MGAT4C: variants seen among roughly 807,000 people sequenced by gnomAD.
The protein encoded by MGAT4C is MGAT4 family member C.
Under a neutral mutation model 40.1 loss-of-function variants are expected in MGAT4C, and 19 were observed. The observed-to-expected ratio is 0.47, with a 90% confidence interval of 0.33 to 0.70. The LOEUF is 0.70. Among genes scored for constraint, MGAT4C ranks in the 30% least tolerant of loss-of-function variants. MGAT4C has a pLI of 0.02. For missense variants in MGAT4C, 491 were observed against 563.2 expected (o/e 0.87, Z 1.30); for synonymous variants, 181 against 187.1 (o/e 0.97, Z 0.27).
chr12:86,585,563 TATTA>T (rs1960983659), intron 2 of MGAT4C, among the ~76,000 whole-genome samples: 2 of 151,422 alleles, frequency 1.3e-5, no homozygotes, highest in African/African-American at 4.8e-5. Context: ...GAGATTGACA[TATTA>T]ATAATTTAAT....
Position 85,964,027 on chromosome 12 carries a change from T to G in MGAT4C, c.*15262A>C, listed in dbSNP as rs1000005139. On this transcript the variant is annotated 3_prime_UTR_variant, in exon 5 of 5. Transcript: ENST00000611864. The stretch of plus-strand genomic sequence containing the variant: ...CTCAGATTACAACTATGATGATAAT[T>G]TAGATAAACAAGCAGAAAACAAAAC... 6.6e-6 allele frequency: 1 copy of G among 151,846 alleles called. No individual in the cohort carries two copies. Among genetic ancestry groups the G allele is most frequent in the African/African-American group, 2.4e-5 (1 of 41,364 alleles). The allele number at this position is 151,846 out of a possible 1,614,324, so 9.4% of individuals were successfully genotyped here.
chr12:86,411,514 T>C (rs1382557504), intron 3 of MGAT4C, among the ~76,000 whole-genome samples: 2 of 152,176 alleles, frequency 1.3e-5, no homozygotes, highest in African/African-American at 4.8e-5. Context: ...GGTTATCTGG[T>C]GTAAGAAATT....
intron 2 of MGAT4C, among the ~76,000 whole-genome samples, chr12:86,032,684 T>C (rs1890869384): frequency 1.3e-5 from 2 of 149,696 alleles, no homozygotes; most frequent in East Asian, 1.9e-4. Context: ...AGAGGCATAG[T>C]ATGCAAACAT....
chr12:86,242,085 T>C (rs1416445680), intron 1 of MGAT4C, among the ~76,000 whole-genome samples: 1 of 152,142 alleles, frequency 6.6e-6, no homozygotes, highest in Non-Finnish European at 1.5e-5. Context: ...CTCCCTTTGC[T>C]GGGGACCTTC....
At chr12:86,760,617 C>A (rs1378240817) in intron 1 of MGAT4C, among the ~76,000 whole-genome samples, 2 of 152,024 alleles carry the variant, frequency 1.3e-5, no homozygotes, top group African/African-American at 4.8e-5. Context: ...GGATAGTGAT[C>A]CCAGAGAAAT....
intron 1 of MGAT4C, among the ~76,000 whole-genome samples, chr12:86,074,945 G>C (rs752329048): frequency 6.6e-6 from 1 of 152,118 alleles, no homozygotes; most frequent in Non-Finnish European, 1.5e-5. Flanking sequence ...AATGAGATTT[G>C]GGTGGGGACA....
At chr12:86,813,159 AG>A (rs1952509426) in intron 1 of MGAT4C, among the ~76,000 whole-genome samples, 1 of 151,992 alleles carries the variant, frequency 6.6e-6, no homozygotes, top group South Asian at 2.1e-4. Context: ...TGTGCTTAGC[AG>A]GGAGAAGCAA....
chr12:86,819,558 C>T (rs1952670094), intron 1 of MGAT4C, among the ~76,000 whole-genome samples: 1 of 150,822 alleles, frequency 6.6e-6, no homozygotes, highest in Admixed American at 6.6e-5. Context: ...TGGTCAAATA[C>T]ATTTGGGAAA....
intron 2 of MGAT4C, among the ~76,000 whole-genome samples, chr12:86,572,749 C>G (rs868269223): frequency 6.6e-5 from 10 of 152,102 alleles, no homozygotes; most frequent in African/African-American, 2.4e-4. Flanking sequence ...TACATCAACA[C>G]TGGCTCTCCC....
chr12:86,825,267 G>T (rs1236134894), intron 1 of MGAT4C, among the ~76,000 whole-genome samples: 1 of 150,328 alleles, frequency 6.7e-6, no homozygotes, highest in Admixed American at 6.7e-5. Context: ...TGGAGTTCAT[G>T]AACATTTCTC....
At chr12:86,138,279 T>C (rs1197779433) in intron 1 of MGAT4C, among the ~76,000 whole-genome samples, 5 of 151,640 alleles carry the variant, frequency 3.3e-5, no homozygotes, top group Non-Finnish European at 5.9e-5. Flanking sequence ...TTAGGCAATT[T>C]TGCCCATACC....
At chr12:86,685,034 G>A (rs926214929) in intron 2 of MGAT4C, among the ~76,000 whole-genome samples, 4 of 152,160 alleles carry the variant, frequency 2.6e-5, no homozygotes, top group South Asian at 4.1e-4. Flanking sequence ...AAGCTTTTTA[G>A]TTTAATAAGA....
intron 2 of MGAT4C, among the ~76,000 whole-genome samples, chr12:86,620,783 C>A (rs754116674): frequency 7.2e-5 from 11 of 152,032 alleles, no homozygotes; most frequent in Non-Finnish European, 1.5e-4. Context: ...GCAGATTTTT[C>A]CCTTATTCTT....
intron 4 of MGAT4C, among the ~76,000 whole-genome samples, chr12:86,315,693 G>A (rs913480525): frequency 5.3e-5 from 8 of 152,060 alleles, no homozygotes; most frequent in Non-Finnish European, 1.0e-4. Context: ...GGGACAGGGC[G>A]AGACTCCGTT....
chr12:86,803,344 C>T (rs1332385166), intron 1 of MGAT4C, among the ~76,000 whole-genome samples: 2 of 151,650 alleles, frequency 1.3e-5, no homozygotes, highest in African/African-American at 4.8e-5. Context: ...CCATTCAGGA[C>T]ATAGGCATGG....
At chr12:86,242,781 C>T (rs1039712031) in intron 1 of MGAT4C, among the ~76,000 whole-genome samples, 22 of 152,026 alleles carry the variant, frequency 1.4e-4, no homozygotes, top group African/African-American at 5.1e-4. Context: ...TCCCCCACTC[C>T]CCACCACATA....
intron 4 of MGAT4C, among the ~76,000 whole-genome samples, chr12:86,333,911 A>T (rs1198536455): frequency 1.3e-5 from 2 of 152,178 alleles, no homozygotes; most frequent in African/African-American, 4.8e-5. Flanking sequence ...TAAAACAAAC[A>T]TATCAATTCT....
At chr12:86,338,319 C>T (rs1051224954) in intron 3 of MGAT4C, among the ~76,000 whole-genome samples, 10 of 152,076 alleles carry the variant, frequency 6.6e-5, no homozygotes, top group Admixed American at 2.0e-4. Flanking sequence ...GTTTATCAAT[C>T]TGGGTGGTTC....
Position 86,597,514 on chromosome 12 carries a change from T to TA in MGAT4C, c.-229+129694dup, listed in dbSNP as rs1961588826. Among the ~76,000 whole-genome samples, 4 of 152,340 alleles carry TA rather than the reference T, an allele frequency of 2.6e-5. No individual in the cohort carries two copies. In the South Asian group the frequency reaches 8.3e-4, roughly 32 times the overall value. ...TTGTCCCTATTGCCTCAGAATCATG[T>TA]AGACTCTGTTAAAAGATTATAGTTC... On this transcript the variant is annotated intron_variant, in intron 2 of 7. Transcript: ENST00000548651.
Sources: gnomAD v4.1 joint callset for allele counts (sites outside exome capture counted in the v4.1 genomes callset) on GRCh38, gnomAD v4.1.1 for gene constraint, MANE v1.5 for transcripts, NCBI Gene and HGNC (gene_info 2026-07-23, HGNC 2026-07-21) for gene names.